TSFM: variants seen among roughly 807,000 people sequenced by gnomAD.
The protein encoded by TSFM is elongation factor Ts, mitochondrial.
Under a neutral mutation model 33.4 loss-of-function variants are expected in TSFM, and 29 were observed. The ratio of observed to expected loss-of-function variants is 0.87; its 90% CI spans 0.65 to 1.18. The LOEUF (loss-of-function observed/expected upper bound fraction) is 1.18, where lower values mean the gene tolerates loss of function less well. TSFM is among the 50% of genes most tolerant of loss of function. The pLI is 0.00. For missense variants in TSFM, 394 were observed against 395.6 expected (o/e 1.00, Z 0.04); for synonymous variants, 178 against 163.5 (o/e 1.09, Z -0.68).
intron 5 of TSFM, among the ~76,000 whole-genome samples, chr12:57,794,811 G>A (rs1595146111): frequency 1.3e-5 from 2 of 152,276 alleles, no homozygotes; most frequent in South Asian, 4.1e-4. Flanking sequence ...CCAGGCTGGA[G>A]TGCAGTGGCA....
chr12:57,789,020 A>G (rs372241686), intron 4 of TSFM, among the ~76,000 whole-genome samples: 8 of 149,398 alleles, frequency 5.4e-5, no homozygotes, highest in South Asian at 2.1e-4. Flanking sequence ...CTGGAGTGCA[A>G]TGGTGCCATC....
At chr12:57,783,916 G>A in intron 2 of TSFM, 2 of 702,292 alleles carry the variant, frequency 2.8e-6, no homozygotes. Context: ...GCGCCCGGCT[G>A]ACTTTAGACA....
chr12:57,786,098 T>A (rs1955587476), intron 2 of TSFM, 65 bp from the exon 3 acceptor site: 1 of 1,497,262 alleles, frequency 6.7e-7, no homozygotes, highest in Admixed American at 2.4e-5. Flanking sequence ...GAGTATATCT[T>A]AGAACTACAT....
chr12:57,788,168 A>C (rs898782743), intron 4 of TSFM, among the ~76,000 whole-genome samples: 1 of 152,192 alleles, frequency 6.6e-6, no homozygotes, highest in Non-Finnish European at 1.5e-5. Context: ...AGTCATATGG[A>C]AAACAATGTT....
intron 4 of TSFM, among the ~76,000 whole-genome samples, chr12:57,788,919 C>T (rs1051630628): frequency 1.3e-5 from 2 of 151,662 alleles, no homozygotes; most frequent in Non-Finnish European, 2.9e-5. Context: ...AGGCTTGGGT[C>T]ACTACAGCTG....
intron 5 of TSFM, among the ~76,000 whole-genome samples, chr12:57,795,244 ATGTG>A (rs1195418484): frequency 6.6e-6 from 1 of 150,628 alleles, no homozygotes; most frequent in Admixed American, 6.6e-5. Context: ...GATTACAGGC[ATGTG>A]CCACCATGCC....
chr12:57,783,067 G>T, intron 1 of TSFM, 43 bp from the exon 2 acceptor site: 1 of 1,580,238 alleles, frequency 6.3e-7, no homozygotes, highest in Middle Eastern at 1.7e-4. Flanking sequence ...ACCCTCTGGA[G>T]TTTGCTGCTT....
Position 57,796,371 on chromosome 12 carries a change from C to A in TSFM, c.766C>A (p.Leu256Ile). Reference protein sequence around the residue: ...KTNLEDVGRRLGQHVVGMAPL... With the variant: ...KTNLEDVGRRIGQHVVGMAPL... ...AAACCTTGAAGACGTTGGCCGCCGC[C>A]TTGGGCAGCATGTGGTGGGCATGGC... The change falls in exon 6 of 6, where the codon CTT becomes ATT. Residue 256 changes from leucine to isoleucine, a missense_variant. Around this residue, in one of 3 missense-constraint regions of TSFM, gnomAD observed 186 missense variants for 198.8 expected, o/e 0.94. Transcript: ENST00000652027. The A allele has an allele frequency of 6.2e-7, 1 of 1,603,322 alleles. No homozygotes were observed.
intron 4 of TSFM, among the ~76,000 whole-genome samples, chr12:57,789,525 A>G (rs1955634666): frequency 2.0e-5 from 3 of 151,544 alleles, no homozygotes; most frequent in Non-Finnish European, 2.9e-5. Flanking sequence ...TACTACTTCC[A>G]GCTAATTTTT....
At chr12:57,800,158 G>A, downstream of TSFM, 1 of 445,360 alleles carries the variant, frequency 2.2e-6, no homozygotes, top group South Asian at 3.3e-5. Context: ...GGCAAGTCCT[G>A]TATAGCTAGT....
intron 2 of TSFM, chr12:57,784,041 AG>A: frequency 8.5e-6 from 6 of 702,950 alleles, no homozygotes; most frequent in Non-Finnish European, 1.6e-5. Context: ...CACATCATAG[AG>A]TACCTACACA....
downstream of TSFM, chr12:57,797,747 C>T: frequency 5.5e-6 from 4 of 727,838 alleles, no homozygotes; most frequent in Non-Finnish European, 7.8e-6. Context: ...GGAGAACATG[C>T]CGTGATTTGC....
rs915507598 is a variant in TSFM, at chr12:57,796,869, A to G, written c.*286A>G. 4 of 1,069,322 alleles carry G rather than the reference A, an allele frequency of 3.7e-6. No homozygotes were observed. In the African/African-American group the frequency reaches 5.0e-5, roughly 13 times the overall value. The allele number at this position is 1,069,322 out of a possible 1,614,324, so 66.2% of individuals were successfully genotyped here. Reference sequence around the variant, plus strand: ...ATAGATTTATTATGGTATTTCTGAAATTTCTAACTTATATGTTCTGTCTTA... The same window carrying G: ...ATAGATTTATTATGGTATTTCTGAAGTTTCTAACTTATATGTTCTGTCTTA... On this transcript the variant is annotated 3_prime_UTR_variant, in exon 6 of 6. Transcript: ENST00000652027.
intron 2 of TSFM, among the ~76,000 whole-genome samples, chr12:57,784,916 CTTTTTTTTTTTTTTTT>C (rs1164168295): frequency 2.5e-5 from 2 of 79,152 alleles, no homozygotes; most frequent in East Asian, 9.6e-4. Flanking sequence ...ATTGAAATAT[CTTTTTTTTTTTTTTTT>C]TTTTTTTTTT....
chr12:57,790,062 T>TTC (rs1323677347), intron 4 of TSFM, among the ~76,000 whole-genome samples: 10 of 67,396 alleles, frequency 1.5e-4, no homozygotes, highest in East Asian at 6.5e-4. Context: ...CTTTCTTTCT[T>TTC]TTTTTTTTTT....
Position 57,786,213 on chromosome 12 carries a change from T to C in TSFM, c.282T>C (p.Ala94=). Reference sequence around the variant, plus strand: ...CCCAGAAGGAGGGCTGGAGCAAAGCTGCCAAGCTCCAAGGGAGGAAGACCA... The same window carrying C: ...CCCAGAAGGAGGGCTGGAGCAAAGCCGCCAAGCTCCAAGGGAGGAAGACCA... ...KEAQKEGWSK[A]AKLQGRKTKE... is the part of the protein sequence containing the mutation. The change falls in exon 3 of 6, where the codon GCT becomes GCC. Residue 94 remains alanine (A), a synonymous_variant. Coordinates refer to ENST00000652027, the MANE Select transcript of TSFM (RefSeq NM_005726.6). 1.2e-6 allele frequency: 2 copies of C among 1,610,814 alleles called. No individual in the cohort carries two copies. Among genetic ancestry groups the C allele is most frequent in the Non-Finnish European group, 1.7e-6 (2 of 1,178,322 alleles).
In TSFM at chr12:57,786,196, G is replaced by A; in HGVS notation, c.265G>A (p.Glu89Lys). Residue 89 changes from glutamate (E) to lysine (K), a missense_variant, in exon 3 of 6, where the codon GAG becomes AAG. Transcript: ENST00000652027. ...EIWLHKEAQK[E>K]GWSKAAKLQG... ...CTGGCTCCACAAGGAGGCCCAGAAGGAGGGCTGGAGCAAAGCTGCCAAGCT... is the reference window on the plus strand; with the variant it reads ...CTGGCTCCACAAGGAGGCCCAGAAGAAGGGCTGGAGCAAAGCTGCCAAGCT... The A allele has an allele frequency of 1.2e-6, 2 of 1,609,330 alleles. No homozygotes were observed. The highest frequency in any genetic ancestry group is 1.7e-6 in the Non-Finnish European group (2 of 1,177,572).
chr12:57,787,250 A>G, intron 4 of TSFM, 88 bp downstream of exon 4: 1 of 1,283,752 alleles, frequency 7.8e-7, no homozygotes, highest in Non-Finnish European at 1.1e-6. Flanking sequence ...CTCATGTCTC[A>G]TTCTGTTACT....
downstream of TSFM, among the ~76,000 whole-genome samples, chr12:57,799,546 A>G (rs1442259441): frequency 6.6e-6 from 1 of 152,256 alleles, no homozygotes; most frequent in African/African-American, 2.4e-5. Flanking sequence ...GTAGTCCATG[A>G]TAGCTGGACT....
Sources: gnomAD v4.1 joint callset for allele counts (sites outside exome capture counted in the v4.1 genomes callset) on GRCh38, gnomAD v4.1.1 for gene constraint, gnomAD v4.1.1 regional missense constraint, MANE v1.5 for transcripts, NCBI Gene and HGNC (gene_info 2026-07-23, HGNC 2026-07-21) for gene names.